FBLL1: variants seen among roughly 807,000 people sequenced by gnomAD.
FBLL1 encodes fibrillarin like rRNA 2'-O-methyltransferase 1, also known as RNA 2'-O-methyltransferase FBLL1.
FBLL1 carries 6 observed loss-of-function variants against 5.7 expected under a neutral mutation model. The ratio of observed to expected loss-of-function variants is 1.05; its 90% CI spans 0.57 to 2.07. FBLL1 has a LOEUF of 2.07. Among genes scored for constraint, FBLL1 ranks in the 30% most tolerant of loss-of-function variants. The probability of loss-of-function intolerance (pLI) is 0.00; values close to 1 mark genes in which losing one functional copy is unlikely to be tolerated. For synonymous variants in FBLL1, 133 were observed against 75.1 expected (o/e 1.77, Z -3.99); for missense variants, 258 against 165.2 (o/e 1.56, Z -3.08).
chr5:168,529,643 A>G lies in FBLL1; in HGVS notation c.139A>G (p.Lys47Glu), dbSNP rs2113068101. The stretch of plus-strand genomic sequence containing the variant: ...GGGCGACGGCGGCGGCCAGGGGGGC[A>G]AGGGCGGCTTCGGGGCGCGGGCGCG... ...GGGDGGGQGG[K>E]GGFGARARGF... Residue 47 changes from lysine to glutamate, a missense_variant, in exon 1 of 1, where the codon AAG becomes GAG. By Grantham distance (56) the Lys-to-Glu change is moderately conservative (BLOSUM62 1). Transcript: ENST00000338333. This position sits in a 1 kb window ranked among gnomAD's most constrained non-coding sequence, Gnocchi z 7.2. 1 of 140,456 alleles carries G rather than the reference A, an allele frequency of 7.1e-6. No homozygotes were observed. Among genetic ancestry groups the G allele is most frequent in the East Asian group, 2.1e-4 (1 of 4,796 alleles). The allele number at this position is 140,456 out of a possible 1,614,324, so 8.7% of individuals were successfully genotyped here. A position where few individuals can be genotyped will look rare whatever the true frequency, so the allele number is the denominator to read the frequency against.
At position 168,530,534 on chromosome 5, in the gene FBLL1, T is replaced by C; in HGVS notation, c.*25T>C. The C allele has an allele frequency of 4.0e-6, 3 of 748,162 alleles. No individual in the cohort carries two copies. The highest frequency in any genetic ancestry group is 1.4e-5 in the South Asian group (1 of 71,710). The allele number at this position is 748,162 out of a possible 1,614,324, so 46.3% of individuals were successfully genotyped here. A position where few individuals can be genotyped will look rare whatever the true frequency, so the allele number is the denominator to read the frequency against. Reference sequence around the variant, plus strand: ...GCACCCAGCTCAGGCTCGCCTGCCATCTCCCCAAGGCTGCGTTGTGTTTGC... The same window carrying C: ...GCACCCAGCTCAGGCTCGCCTGCCACCTCCCCAAGGCTGCGTTGTGTTTGC... On this transcript the variant is annotated 3_prime_UTR_variant, in exon 1 of 1. Coordinates refer to ENST00000338333, the MANE Select transcript of FBLL1 (RefSeq NM_001355274.2). This position sits in a 1 kb window ranked among gnomAD's most constrained non-coding sequence, Gnocchi z 4.9.
chr5:168,530,513 C>G lies in FBLL1; in HGVS notation c.*4C>G, dbSNP rs199508671. 7 of 757,608 alleles carry G rather than the reference C, an allele frequency of 9.2e-6. No homozygotes were observed. In the South Asian group the frequency reaches 9.5e-5, roughly 10 times the overall value. 46.9% of individuals were successfully genotyped at this position (757,608 alleles called of 1,614,324 possible). A position where few individuals can be genotyped will look rare whatever the true frequency, so the allele number is the denominator to read the frequency against. On this transcript the variant is annotated 3_prime_UTR_variant, in exon 1 of 1. Coordinates refer to ENST00000338333, the MANE Select transcript of FBLL1 (RefSeq NM_001355274.2). This position sits in a 1 kb window ranked among gnomAD's most constrained non-coding sequence, Gnocchi z 4.9. ...TCCCAAGAGCAGCAGCAAATAGCAC[C>G]CAGCTCAGGCTCGCCTGCCATCTCC...
In FBLL1 at chr5:168,530,617, C is replaced by T. The variant is rs1247558771; in HGVS notation, c.*108C>T. On this transcript the variant is annotated 3_prime_UTR_variant, in exon 1 of 1. Coordinates refer to ENST00000338333, the MANE Select transcript of FBLL1 (RefSeq NM_001355274.2). The surrounding 1 kb of genome is among the most constrained non-coding windows in gnomAD (Gnocchi z 4.9). Reference sequence around the variant, plus strand: ...TTTGTTTTGTTGTTTTTCTATTAAACTGCATAAAGAAACGGCACCTATCTG... The same window carrying T: ...TTTGTTTTGTTGTTTTTCTATTAAATTGCATAAAGAAACGGCACCTATCTG... The T allele has an allele frequency of 4.9e-6, 3 of 611,012 alleles. No homozygotes were observed. Among genetic ancestry groups the T allele is most frequent in the East Asian group, 5.5e-5 (2 of 36,666 alleles). 37.8% of individuals were successfully genotyped at this position (611,012 alleles called of 1,614,324 possible). A position where few individuals can be genotyped will look rare whatever the true frequency, so the allele number is the denominator to read the frequency against.
chr5:168,530,514 C>A lies in FBLL1; in HGVS notation c.*5C>A. On this transcript the variant is annotated 3_prime_UTR_variant, in exon 1 of 1. Coordinates refer to ENST00000338333, the MANE Select transcript of FBLL1 (RefSeq NM_001355274.2). The surrounding 1 kb of genome is among the most constrained non-coding windows in gnomAD (Gnocchi z 4.9). ...CCCAAGAGCAGCAGCAAATAGCACC[C>A]AGCTCAGGCTCGCCTGCCATCTCCC... 1.3e-6 allele frequency: 1 copy of A among 757,652 alleles called. No individual in the cohort carries two copies. The highest frequency in any genetic ancestry group is 1.7e-5 in the Admixed American group (1 of 58,266). The allele number at this position is 757,652 out of a possible 1,614,324, so 46.9% of individuals were successfully genotyped here. A position where few individuals can be genotyped will look rare whatever the true frequency, so the allele number is the denominator to read the frequency against.
rs1309619245 is a variant in FBLL1 at position 168,529,530 on chromosome 5, G to A, written c.26G>A (p.Gly9Glu). 2 of 151,550 alleles carry A rather than the reference G, an allele frequency of 1.3e-5. No homozygotes were observed. Among genetic ancestry groups the A allele is most frequent in the African/African-American group, 4.9e-5 (2 of 41,082 alleles). The allele number at this position is 151,550 out of a possible 1,614,324, so 9.4% of individuals were successfully genotyped here. A position where few individuals can be genotyped will look rare whatever the true frequency, so the allele number is the denominator to read the frequency against. ...ATGAAGTCGGCCGCGAGCTCGCGCG[G>A]GGGCGGTGGGGGCGGCCGCGGGGGC... MKSAASSRGGGGGGRGGGG... is the reference protein window; with the variant it reads MKSAASSREGGGGGRGGGG... Residue 9 changes from glycine (G) to glutamate (E), a missense_variant, in exon 1 of 1, where the codon GGG (glycine) becomes GAG (glutamate). Coordinates refer to ENST00000338333, the MANE Select transcript of FBLL1 (RefSeq NM_001355274.2). This position sits in a 1 kb window ranked among gnomAD's most constrained non-coding sequence, Gnocchi z 7.2.
Position 168,530,467 on chromosome 5 carries a change from G to A in FBLL1, c.963G>A (p.Val321=). ...LEPYERDHAV[V]VGVYRPLPKS... The stretch of plus-strand genomic sequence containing the variant: ...CCTATGAGCGGGACCACGCTGTGGT[G>A]GTCGGGGTCTACCGACCTCTTCCCA... The change falls in exon 1 of 1, where the codon GTG becomes GTA. Residue 321 remains valine (V), a synonymous_variant. Transcript: ENST00000338333. The surrounding 1 kb of genome is among the most constrained non-coding windows in gnomAD (Gnocchi z 4.9). The A allele has an allele frequency of 1.3e-6, 1 of 763,318 alleles. No individual in the cohort carries two copies. The highest frequency in any genetic ancestry group is 2.4e-6 in the Non-Finnish European group (1 of 417,140). The allele number at this position is 763,318 out of a possible 1,614,324, so 47.3% of individuals were successfully genotyped here.
In FBLL1 at chr5:168,529,773, G is replaced by A. The variant is rs1758944675; in HGVS notation, c.269G>A (p.Arg90His). ...GGCGGCGTGGCCAAGAGCAAGAGCC[G>A]CCGCAGGAAGGGCGCCATGGTGGTG... Reference protein sequence around the residue: ...RRGGVAKSKSRRRKGAMVVSV... With the variant: ...RRGGVAKSKSHRRKGAMVVSV... Residue 90 changes from arginine to histidine, a missense_variant, in exon 1 of 1, where the codon CGC becomes CAC. By Grantham distance (29) the Arg-to-His change is conservative. Coordinates refer to ENST00000338333, the MANE Select transcript of FBLL1 (RefSeq NM_001355274.2). This position sits in a 1 kb window ranked among gnomAD's most constrained non-coding sequence, Gnocchi z 7.2. 3 of 690,868 alleles carry A rather than the reference G, an allele frequency of 4.3e-6. No homozygotes were observed. The highest frequency in any genetic ancestry group is 1.8e-5 in the African/African-American group (1 of 56,640). 42.8% of individuals were successfully genotyped at this position (690,868 alleles called of 1,614,324 possible).
Position 168,529,550 on chromosome 5 carries a change from G to T in FBLL1, c.46G>T (p.Gly16Trp). The change falls in exon 1 of 1, where the codon GGG (glycine) becomes TGG (tryptophan). Residue 16 changes from glycine to tryptophan, a missense_variant. Physicochemically the swap from Gly to Trp is radical, Grantham distance 184. Transcript: ENST00000338333. The surrounding 1 kb of genome is among the most constrained non-coding windows in gnomAD (Gnocchi z 7.2). ...GCGCGGGGGCGGTGGGGGCGGCCGC[G>T]GGGGCGGCGGCTGGGGCAGCTGGGG... ...SSRGGGGGGR[G>W]GGGWGSWGGG... 1 of 149,666 alleles carries T rather than the reference G, an allele frequency of 6.7e-6. No homozygotes were observed. Among genetic ancestry groups the T allele is most frequent in the South Asian group, 1.8e-4 (1 of 5,602 alleles). 9.3% of individuals were successfully genotyped at this position (149,666 alleles called of 1,614,324 possible).
In FBLL1 at chr5:168,530,571, GTGTGTTTTCTT is replaced by G. The variant is rs1758962596; in HGVS notation, c.*67_*77del. On this transcript the variant is annotated 3_prime_UTR_variant, in exon 1 of 1. Transcript: ENST00000338333. This position sits in a 1 kb window ranked among gnomAD's most constrained non-coding sequence, Gnocchi z 4.9. Reference sequence around the variant, plus strand: ...TGCGTTGTGTTTGCTATTATTTTCTGTGTGTTTTCTTTGTGAGTGTTTTGTTTTGTTGTTTT... The same window carrying G: ...TGCGTTGTGTTTGCTATTATTTTCTGTGTGAGTGTTTTGTTTTGTTGTTTT... 5 of 657,498 alleles carry G rather than the reference GTGTGTTTTCTT, an allele frequency of 7.6e-6. No homozygotes were observed. The highest frequency in any genetic ancestry group is 1.4e-5 in the Non-Finnish European group (5 of 368,654). The allele number at this position is 657,498 out of a possible 1,614,324, so 40.7% of individuals were successfully genotyped here. A position where few individuals can be genotyped will look rare whatever the true frequency, so the allele number is the denominator to read the frequency against.
rs1449090736 is a variant in FBLL1, at chr5:168,530,236, G to A, written c.732G>A (p.Val244=). The part of the protein sequence containing the change: ...KYRMLIGMVD[V]IFADVAQPDQ... The stretch of plus-strand genomic sequence containing the variant: ...GCATGCTCATCGGGATGGTGGACGT[G>A]ATCTTCGCCGACGTGGCCCAGCCGG... Residue 244 remains valine, a synonymous_variant, in exon 1 of 1, where the codon GTG becomes GTA. Coordinates refer to ENST00000338333, the MANE Select transcript of FBLL1 (RefSeq NM_001355274.2). This position sits in a 1 kb window ranked among gnomAD's most constrained non-coding sequence, Gnocchi z 4.9. The A allele has an allele frequency of 1.3e-6, 1 of 765,828 alleles. No homozygotes were observed. The highest frequency in any genetic ancestry group is 2.4e-6 in the Non-Finnish European group (1 of 417,992). 47.4% of individuals were successfully genotyped at this position (765,828 alleles called of 1,614,324 possible). A position where few individuals can be genotyped will look rare whatever the true frequency, so the allele number is the denominator to read the frequency against.
rs761547564 is a variant in FBLL1 at position 168,530,036 on chromosome 5, C to T, written c.532C>T (p.Leu178=). The T allele has an allele frequency of 5.3e-6, 4 of 756,252 alleles. No homozygotes were observed. Among genetic ancestry groups the T allele is most frequent in the South Asian group, 2.7e-5 (2 of 72,938 alleles). 46.8% of individuals were successfully genotyped at this position (756,252 alleles called of 1,614,324 possible). ...HIKPKSKVLY[L]GAASGTTVSH... is the part of the protein sequence containing the mutation. ...CAAGCCCAAGTCCAAGGTGCTGTAC[C>T]TGGGCGCCGCGTCGGGCACCACCGT... The change falls in exon 1 of 1, where the codon CTG becomes TTG. Residue 178 remains leucine, a synonymous_variant. Transcript: ENST00000338333. This position sits in a 1 kb window ranked among gnomAD's most constrained non-coding sequence, Gnocchi z 4.9.
Position 168,529,865 on chromosome 5 carries a change from C to A in FBLL1, c.361C>A (p.Leu121Met). ...CGGGGCGGAGGACGCGCTGGTCACG[C>A]TGAACATGGTGCCGGGCCAGTCTGT... ...YRGAEDALVT[L>M]NMVPGQSVYG... The change falls in exon 1 of 1, where the codon CTG becomes ATG. Residue 121 changes from leucine to methionine, a missense_variant. Physicochemically the swap from Leu to Met is conservative, Grantham distance 15. Coordinates refer to ENST00000338333, the MANE Select transcript of FBLL1 (RefSeq NM_001355274.2). This position sits in a 1 kb window ranked among gnomAD's most constrained non-coding sequence, Gnocchi z 7.2. 1.4e-6 allele frequency: 1 copy of A among 711,076 alleles called. No individual in the cohort carries two copies. Among genetic ancestry groups the A allele is most frequent in the South Asian group, 1.5e-5 (1 of 67,648 alleles). 44.0% of individuals were successfully genotyped at this position (711,076 alleles called of 1,614,324 possible). A position where few individuals can be genotyped will look rare whatever the true frequency, so the allele number is the denominator to read the frequency against.
In FBLL1 at chr5:168,530,533, A is replaced by G. The variant is rs2113070729; in HGVS notation, c.*24A>G. On this transcript the variant is annotated 3_prime_UTR_variant, in exon 1 of 1. Transcript: ENST00000338333. This position sits in a 1 kb window ranked among gnomAD's most constrained non-coding sequence, Gnocchi z 4.9. ...AGCACCCAGCTCAGGCTCGCCTGCC[A>G]TCTCCCCAAGGCTGCGTTGTGTTTG... is the stretch of plus-strand genomic sequence containing the variant. 2.7e-6 allele frequency: 2 copies of G among 748,960 alleles called. No homozygotes were observed. The highest frequency in any genetic ancestry group is 4.9e-6 in the Non-Finnish European group (2 of 409,672). The allele number at this position is 748,960 out of a possible 1,614,324, so 46.4% of individuals were successfully genotyped here.
At position 168,529,815 on chromosome 5, in the gene FBLL1, G is replaced by C. The variant is rs1298552773; in HGVS notation, c.311G>C (p.Arg104Pro). The C allele has an allele frequency of 1.4e-6, 1 of 700,630 alleles. No homozygotes were observed. Among genetic ancestry groups the C allele is most frequent in the East Asian group, 2.7e-5 (1 of 37,238 alleles). 43.4% of individuals were successfully genotyped at this position (700,630 alleles called of 1,614,324 possible). The change falls in exon 1 of 1, where the codon CGG becomes CCG. Residue 104 changes from arginine to proline, a missense_variant. Physicochemically the swap from Arg to Pro is moderately radical, Grantham distance 103. Transcript: ENST00000338333. This position sits in a 1 kb window ranked among gnomAD's most constrained non-coding sequence, Gnocchi z 7.2. Reference protein sequence around the residue: ...GAMVVSVEPHRHEGVFIYRGA... With the variant: ...GAMVVSVEPHPHEGVFIYRGA... ...ATGGTGGTGTCGGTGGAGCCGCACCGGCACGAGGGCGTCTTCATCTACCGC... is the reference window on the plus strand; with the variant it reads ...ATGGTGGTGTCGGTGGAGCCGCACCCGCACGAGGGCGTCTTCATCTACCGC...
Position 168,529,981 on chromosome 5 carries a change from C to G in FBLL1, c.477C>G (p.Ala159=). 1.3e-6 allele frequency: 1 copy of G among 751,222 alleles called. No individual in the cohort carries two copies. Among genetic ancestry groups the G allele is most frequent in the South Asian group, 1.4e-5 (1 of 71,986 alleles). 46.5% of individuals were successfully genotyped at this position (751,222 alleles called of 1,614,324 possible). Residue 159 remains alanine (A), a synonymous_variant, in exon 1 of 1, where the codon GCC becomes GCG. Coordinates refer to ENST00000338333, the MANE Select transcript of FBLL1 (RefSeq NM_001355274.2). The surrounding 1 kb of genome is among the most constrained non-coding windows in gnomAD (Gnocchi z 7.2). ...CGTTCCGCTCTAAGCTGGCCGCGGC[C>G]ATCCTGGGCGGGGTGGACCAGATCC... The part of the protein sequence containing the change: ...WNPFRSKLAA[A]ILGGVDQIHI...
Position 168,530,549 on chromosome 5 carries a change from G to A in FBLL1, c.*40G>A, listed in dbSNP as rs3733977. 0.2 allele frequency: 137,866 copies of A among 705,618 alleles called. 15,845 individuals carry two copies. The highest frequency in any genetic ancestry group is 0.5 in the East Asian group (19,995 of 40,190). 43.7% of individuals were successfully genotyped at this position (705,618 alleles called of 1,614,324 possible). A position where few individuals can be genotyped will look rare whatever the true frequency, so the allele number is the denominator to read the frequency against. On this transcript the variant is annotated 3_prime_UTR_variant, in exon 1 of 1. Coordinates refer to ENST00000338333, the MANE Select transcript of FBLL1 (RefSeq NM_001355274.2). This position sits in a 1 kb window ranked among gnomAD's most constrained non-coding sequence, Gnocchi z 4.9. ...TCGCCTGCCATCTCCCCAAGGCTGC[G>A]TTGTGTTTGCTATTATTTTCTGTGT... is the stretch of plus-strand genomic sequence containing the variant.
At position 168,530,209 on chromosome 5, in the gene FBLL1, C is replaced by G; in HGVS notation, c.705C>G (p.Tyr235Ter). 2.6e-6 allele frequency: 2 copies of G among 765,678 alleles called. No individual in the cohort carries two copies. Among genetic ancestry groups the G allele is most frequent in the South Asian group, 2.7e-5 (2 of 74,610 alleles). 47.4% of individuals were successfully genotyped at this position (765,678 alleles called of 1,614,324 possible). ...VLEDARHPLK[Y>*]RMLIGMVDVI... The stretch of plus-strand genomic sequence containing the variant: ...AGGACGCGCGGCACCCGCTCAAGTA[C>G]CGCATGCTCATCGGGATGGTGGACG... The change falls in exon 1 of 1, where the codon TAC (tyrosine) becomes TAG (stop). Residue 235 changes from tyrosine to a stop codon, truncating the protein, a stop_gained. Transcript: ENST00000338333. LOFTEE classifies it high-confidence loss of function. This position sits in a 1 kb window ranked among gnomAD's most constrained non-coding sequence, Gnocchi z 4.9.
rs772793715 is a variant in FBLL1 at position 168,530,107 on chromosome 5, C to T, written c.603C>T (p.Ala201=). The change falls in exon 1 of 1, where the codon GCC becomes GCT. Residue 201 remains alanine, a synonymous_variant. Coordinates refer to ENST00000338333, the MANE Select transcript of FBLL1 (RefSeq NM_001355274.2). This position sits in a 1 kb window ranked among gnomAD's most constrained non-coding sequence, Gnocchi z 4.9. The part of the protein sequence containing the change: ...DIIGPDGLVY[A]VEFSHRAGRD... ...TTGGCCCAGACGGCCTGGTCTACGC[C>T]GTCGAGTTCTCCCACCGCGCCGGCC... 6 of 761,118 alleles carry T rather than the reference C, an allele frequency of 7.9e-6. No homozygotes were observed. The highest frequency in any genetic ancestry group is 2.7e-5 in the South Asian group (2 of 73,858). 47.1% of individuals were successfully genotyped at this position (761,118 alleles called of 1,614,324 possible). A position where few individuals can be genotyped will look rare whatever the true frequency, so the allele number is the denominator to read the frequency against.
Position 168,530,050 on chromosome 5 carries a change from G to T in FBLL1, c.546G>T (p.Ser182=), listed in dbSNP as rs12654410. 1 of 755,006 alleles carries T rather than the reference G, an allele frequency of 1.3e-6. No homozygotes were observed. The highest frequency in any genetic ancestry group is 1.7e-5 in the African/African-American group (1 of 58,856). 46.8% of individuals were successfully genotyped at this position (755,006 alleles called of 1,614,324 possible). ...KSKVLYLGAA[S]GTTVSHVSDI... is the part of the protein sequence containing the mutation. The stretch of plus-strand genomic sequence containing the variant: ...AGGTGCTGTACCTGGGCGCCGCGTC[G>T]GGCACCACCGTCTCCCATGTCTCCG... Residue 182 remains serine, a synonymous_variant, in exon 1 of 1, where the codon TCG becomes TCT. Transcript: ENST00000338333. The surrounding 1 kb of genome is among the most constrained non-coding windows in gnomAD (Gnocchi z 4.9).
Sources: gnomAD v4.1 joint callset for allele counts on GRCh38, gnomAD v4.1.1 for gene constraint, Gnocchi (gnomAD v3.1) non-coding constraint, MANE v1.5 for transcripts, NCBI Gene and HGNC (gene_info 2026-07-23, HGNC 2026-07-21) for gene names.